RBPJ: variants seen among roughly 807,000 people sequenced by gnomAD.
The protein encoded by RBPJ is recombination signal binding protein for immunoglobulin kappa J region, also known as recombining binding protein suppressor of hairless.
Under a neutral mutation model 67.8 loss-of-function variants are expected in RBPJ, and 9 were observed. That is an observed-to-expected ratio of 0.13 (90% CI 0.08 to 0.23). The LOEUF (loss-of-function observed/expected upper bound fraction) is 0.23, where lower values mean the gene tolerates loss of function less well. RBPJ is among the 10% of genes least tolerant of loss of function. The pLI is 1.00. For synonymous variants in RBPJ, 198 were observed against 203.3 expected, an observed-to-expected ratio of 0.97 and a Z score of 0.22; for missense variants, 305 against 595.6, an observed-to-expected ratio of 0.51 and a Z score of 5.08.
intron 1 of RBPJ, among the ~76,000 whole-genome samples, chr4:26,237,573 C>T (rs1719493658): frequency 6.6e-6 from 1 of 152,192 alleles, no homozygotes; most frequent in East Asian, 1.9e-4. Context: ...TTTCCTTCCA[C>T]TACAGGTATA....
At chr4:26,310,714 G>A (rs1338778106) in intron 1 of RBPJ, among the ~76,000 whole-genome samples, 1 of 148,586 alleles carries the variant, frequency 6.7e-6, no homozygotes, top group Non-Finnish European at 1.5e-5. Context: ...CTGTCACCCA[G>A]GCTGGAGCGC....
intron 1 of RBPJ, among the ~76,000 whole-genome samples, chr4:26,268,812 A>G (rs1720789303): frequency 6.6e-6 from 1 of 152,226 alleles, no homozygotes; most frequent in African/African-American, 2.4e-5. Flanking sequence ...CCACTTCATC[A>G]TTCACTGAGT....
At chr4:26,396,434 G>A (rs1362123109) in intron 2 of RBPJ, among the ~76,000 whole-genome samples, 1 of 152,220 alleles carries the variant, frequency 6.6e-6, no homozygotes. Flanking sequence ...CATCAACCAG[G>A]ATTAGAAATA....
At chr4:26,123,292 A>G in the RBPJ span, among the ~76,000 whole-genome samples, 2 of 152,230 alleles carry the variant, frequency 1.3e-5, no homozygotes, top group Admixed American at 1.3e-4. Context: ...ACCAAAACAT[A>G]GAAAGGTACA....
In RBPJ at chr4:26,294,321, A is replaced by T. The variant is rs150157907; in HGVS notation, c.-166-68125A>T. 5.5e-3 allele frequency among the ~76,000 whole-genome samples: 793 copies of T among 144,240 alleles called. 8 individuals carry two copies. The highest frequency in any genetic ancestry group is 0.02 in the African/African-American group (765 of 38,672). 94.6% of individuals were successfully genotyped at this position (144,240 alleles called of 152,430 possible). On this transcript the variant is annotated intron_variant, in intron 1 of 4. Transcript: ENST00000512351. ...ACCATCTTGGCCAGGCTAGTCTTGA[A>T]CTCCTGACCTTGTGATCCACCCGCC...
At chr4:26,364,202 C>G (rs1728365636) in intron 1 of RBPJ, among the ~76,000 whole-genome samples, 1 of 152,024 alleles carries the variant, frequency 6.6e-6, no homozygotes, top group Non-Finnish European at 1.5e-5. Flanking sequence ...ATGTTAAAAT[C>G]CTTTTGGTAT....
At chr4:26,126,320 C>T in the RBPJ span, among the ~76,000 whole-genome samples, 6 of 150,854 alleles carry the variant, frequency 4.0e-5, no homozygotes, top group South Asian at 1.2e-3. Flanking sequence ...GCTTCCCGCC[C>T]CCAACCCCAA....
intron 3 of RBPJ, among the ~76,000 whole-genome samples, chr4:26,412,697 A>T (rs1431127141): frequency 6.6e-6 from 1 of 152,186 alleles, no homozygotes; most frequent in Non-Finnish European, 1.5e-5. Flanking sequence ...TGATACACCA[A>T]TTTACTAAGG....
At chr4:26,184,246 A>C (rs562990996) in intron 1 of RBPJ, among the ~76,000 whole-genome samples, 1 of 151,842 alleles carries the variant, frequency 6.6e-6, no homozygotes, top group African/African-American at 2.4e-5. Flanking sequence ...GTGGTGGACT[A>C]TTCAAGGTGG....
At chr4:26,399,977 A>G (rs1193465697) in intron 2 of RBPJ, among the ~76,000 whole-genome samples, 2 of 152,098 alleles carry the variant, frequency 1.3e-5, no homozygotes, top group African/African-American at 2.4e-5. Flanking sequence ...ATTGGTTTTC[A>G]TTTAGAATGA....
At chr4:26,425,072 C>G (rs1735498831) in intron 7 of RBPJ, 1 of 344,246 alleles carries the variant, frequency 2.9e-6, no homozygotes, top group Non-Finnish European at 5.2e-6. Flanking sequence ...CTTTTCTTTA[C>G]TAATGCGGAT....
In RBPJ at chr4:26,309,971, G is replaced by A. The variant is rs577482619; in HGVS notation, c.-166-52475G>A. Among the ~76,000 whole-genome samples, 4 of 152,170 alleles carry A rather than the reference G, an allele frequency of 2.6e-5. No individual in the cohort carries two copies. In the South Asian group the frequency reaches 6.2e-4, roughly 24 times the overall value. ...CAAATGTGCATTTGATTCCATTCAC[G>A]TTCCACATCACTAGAGTAAATGGCC... is the stretch of plus-strand genomic sequence containing the variant. On this transcript the variant is annotated intron_variant, in intron 1 of 4. Transcript: ENST00000512351.
chr4:26,404,076 T>G (rs1733128939), intron 2 of RBPJ, among the ~76,000 whole-genome samples: 1 of 152,214 alleles, frequency 6.6e-6, no homozygotes, highest in Non-Finnish European at 1.5e-5. Flanking sequence ...TTCTGACTAG[T>G]GTGAGATGGT....
At chr4:26,221,306 G>C (rs891433747) in intron 1 of RBPJ, among the ~76,000 whole-genome samples, 1 of 152,166 alleles carries the variant, frequency 6.6e-6, no homozygotes, top group African/African-American at 2.4e-5. Context: ...TAGCCAGGAT[G>C]GTCTCCATCT....
intron 1 of RBPJ, 86 bp from the exon 2 acceptor site, chr4:26,386,267 A>G (rs2109633836): frequency 2.2e-6 from 2 of 897,412 alleles, no homozygotes; most frequent in South Asian, 3.1e-5. Flanking sequence ...AAGTCATAAA[A>G]GAGATTTTAT....
At chr4:26,220,429 ACCT>A (rs1482455123) in intron 1 of RBPJ, among the ~76,000 whole-genome samples, 1 of 152,214 alleles carries the variant, frequency 6.6e-6, no homozygotes, top group African/African-American at 2.4e-5. Flanking sequence ...TTTACCAAAT[ACCT>A]ACTGGGCTCC....
chr4:26,402,739 G>A (rs144623524), intron 2 of RBPJ, among the ~76,000 whole-genome samples: 5 of 152,166 alleles, frequency 3.3e-5, no homozygotes, highest in Admixed American at 3.3e-4. Context: ...ATGTGTTTTT[G>A]TTCTGGGAGA....
At chr4:26,286,943 C>A in intron 1 of RBPJ, among the ~76,000 whole-genome samples, 1 of 152,034 alleles carries the variant, frequency 6.6e-6, no homozygotes, top group East Asian at 1.9e-4. Flanking sequence ...TGCACCACCA[C>A]GCCTGGCTAA....
At chr4:26,263,164 T>C (rs1336447894) in intron 1 of RBPJ, among the ~76,000 whole-genome samples, 1 of 144,516 alleles carries the variant, frequency 6.9e-6, no homozygotes, top group African/African-American at 2.9e-5. Flanking sequence ...ATGTAACAAA[T>C]AAACCCGAAT....
Sources: allele counts gnomAD v4.1 joint callset (sites outside exome capture counted in the v4.1 genomes callset), GRCh38; gene constraint gnomAD v4.1.1; transcripts MANE v1.5; gene names NCBI Gene and HGNC (gene_info 2026-07-23, HGNC 2026-07-21).